Variants in SLC29A3 observed in about 807,000 individuals in gnomAD.
SLC29A3 encodes solute carrier family 29 member 3.
In SLC29A3, 18 loss-of-function variants were observed where a neutral mutation model predicts 25.4. The observed-to-expected ratio is 0.71, with a 90% confidence interval of 0.49 to 1.05. The LOEUF is 1.05. Ranked by LOEUF, SLC29A3 falls within the 50% of genes least tolerant of loss-of-function variation. SLC29A3 has a pLI of 0.00. For synonymous variants in SLC29A3, 258 were observed against 267.1 expected (o/e 0.97, Z 0.33); for missense variants, 586 against 609.0 (o/e 0.96, Z 0.40).
In SLC29A3 at chr10:71,363,352, G is replaced by A. The variant is rs147202397; in HGVS notation, c.*744G>A. ...CTGTTTACAACATGTCAAAGCCATT[G>A]GTTCAAGGGCGTAATAAATACTTGC... On this transcript the variant is annotated 3_prime_UTR_variant, in exon 6 of 6. Transcript: ENST00000373189. The A allele has an allele frequency of 7.0e-5, 32 of 454,128 alleles. No homozygotes were observed. In the East Asian group the frequency reaches 1.7e-3, roughly 25 times the overall value. 28.1% of individuals were successfully genotyped at this position (454,128 alleles called of 1,614,324 possible). A position where few individuals can be genotyped will look rare whatever the true frequency, so the allele number is the denominator to read the frequency against.
At chr10:71,325,875 A>C (rs1180142705) in intron 2 of SLC29A3, among the ~76,000 whole-genome samples, 1 of 150,996 alleles carries the variant, frequency 6.6e-6, no homozygotes, top group Non-Finnish European at 1.5e-5. Context: ...TGGCTGTGTG[A>C]ACTCTCCATG....
chr10:71,355,614 T>C (rs1846883161), intron 4 of SLC29A3, among the ~76,000 whole-genome samples: 1 of 152,148 alleles, frequency 6.6e-6, no homozygotes, highest in African/African-American at 2.4e-5. Context: ...GGACCCTATG[T>C]GAGGACAGTC....
chr10:71,319,895 G>T (rs1412458761), intron 1 of SLC29A3, among the ~76,000 whole-genome samples: 1 of 152,234 alleles, frequency 6.6e-6, no homozygotes, highest in Non-Finnish European at 1.5e-5. Flanking sequence ...CTCCTTGTGT[G>T]GGGCTGTCTG....
intron 3 of SLC29A3, among the ~76,000 whole-genome samples, chr10:71,368,547 A>C (rs1847187186): frequency 6.6e-6 from 1 of 152,208 alleles, no homozygotes; most frequent in African/African-American, 2.4e-5. Context: ...ACCTGGGGGC[A>C]GGACACACTG....
At chr10:71,361,668 C>T (rs970714057) in intron 5 of SLC29A3, among the ~76,000 whole-genome samples, 7 of 152,212 alleles carry the variant, frequency 4.6e-5, no homozygotes, top group Admixed American at 2.6e-4. Flanking sequence ...AACAGGTGAG[C>T]CAGGACAGGG....
Position 71,362,800 on chromosome 10 carries a change from A to G in SLC29A3, c.*192A>G, listed in dbSNP as rs1221147972. 5 of 735,758 alleles carry G rather than the reference A, an allele frequency of 6.8e-6. No homozygotes were observed. Among genetic ancestry groups the G allele is most frequent in the Admixed American group, 2.0e-5 (1 of 50,030 alleles). 45.6% of individuals were successfully genotyped at this position (735,758 alleles called of 1,614,324 possible). ...CCATTCCGTGCAAGGCAGATATTCC[A>G]GTCATATTAACAGAACACTCCTGAG... On this transcript the variant is annotated 3_prime_UTR_variant, in exon 6 of 6. Coordinates refer to ENST00000373189, the MANE Select transcript of SLC29A3 (RefSeq NM_018344.6).
chr10:71,341,946 G>A, intron 2 of SLC29A3, among the ~76,000 whole-genome samples: 1 of 152,190 alleles, frequency 6.6e-6, no homozygotes, highest in Non-Finnish European at 1.5e-5. Flanking sequence ...TGCCAGGTAG[G>A]GTTCCCCAAC....
chr10:71,378,378 C>T (rs1180839204), intron 4 of SLC29A3, among the ~76,000 whole-genome samples: 1 of 152,200 alleles, frequency 6.6e-6, no homozygotes, highest in African/African-American at 2.4e-5. Flanking sequence ...ACCCTAGCAA[C>T]AGGCTTAATA....
intron 2 of SLC29A3, among the ~76,000 whole-genome samples, chr10:71,332,154 T>C (rs1416921089): frequency 1.4e-4 from 11 of 77,120 alleles, no homozygotes; most frequent in African/African-American, 4.0e-4. Flanking sequence ...TTTTTTTTCT[T>C]TTTTTTTTTT....
chr10:71,333,673 A>G (rs1047199234), intron 2 of SLC29A3, among the ~76,000 whole-genome samples: 2 of 152,264 alleles, frequency 1.3e-5, no homozygotes, highest in African/African-American at 4.8e-5. Context: ...CTGCCCGGTC[A>G]GGCAAGAGTA....
chr10:71,360,799 A>G (rs1246064034), intron 5 of SLC29A3, among the ~76,000 whole-genome samples: 4 of 152,254 alleles, frequency 2.6e-5, no homozygotes, highest in African/African-American at 9.6e-5. Context: ...GTCCATCAGT[A>G]GAGGAGCAGT....
chr10:71,341,516 T>A (rs1190309053), intron 2 of SLC29A3, among the ~76,000 whole-genome samples: 2 of 152,154 alleles, frequency 1.3e-5, no homozygotes. Flanking sequence ...AGGAACATGA[T>A]CAACTGTCCT....
At chr10:71,360,134 CTTTTTTTTTTTTTT>C (rs10532475) in intron 5 of SLC29A3, among the ~76,000 whole-genome samples, 1 of 71,456 alleles carries the variant, frequency 1.4e-5, no homozygotes, top group Non-Finnish European at 2.5e-5. Context: ...TCTTCTTCTT[CTTTTTTTTTTTTTT>C]TTTTTTTTTT....
chr10:71,359,967 G>A (rs1022471992), intron 5 of SLC29A3, among the ~76,000 whole-genome samples: 5 of 152,190 alleles, frequency 3.3e-5, no homozygotes, highest in African/African-American at 9.7e-5. Context: ...TCAGAGTGCA[G>A]AAGTTGGAAA....
At chr10:71,355,995 T>A in intron 4 of SLC29A3, 86 bp from the exon 5 acceptor site, 1 of 1,519,196 alleles carries the variant, frequency 6.6e-7, no homozygotes, top group Non-Finnish European at 9.1e-7. Flanking sequence ...TTTATTTTGG[T>A]TTGTGAAACC....
chr10:71,349,786 ACT>A (rs1264341695), intron 3 of SLC29A3, among the ~76,000 whole-genome samples: 1 of 151,694 alleles, frequency 6.6e-6, no homozygotes, highest in African/African-American at 2.4e-5. Flanking sequence ...AACATGCCTC[ACT>A]CTCTCTCCCA....
chr10:71,365,392 G>C (rs1847162168), downstream of SLC29A3: 2 of 152,242 alleles, frequency 1.3e-5, no homozygotes, highest in South Asian at 4.1e-4. Flanking sequence ...TGTTGTAGGG[G>C]AATGGGCTTT....
At chr10:71,337,157 C>G (rs1846274380) in intron 2 of SLC29A3, among the ~76,000 whole-genome samples, 1 of 152,220 alleles carries the variant, frequency 6.6e-6, no homozygotes, top group African/African-American at 2.4e-5. Flanking sequence ...CCCCCCTTCC[C>G]TGCCCAGCCA....
chr10:71,376,900 C>T (rs1452056475), intron 4 of SLC29A3, among the ~76,000 whole-genome samples: 2 of 152,126 alleles, frequency 1.3e-5, no homozygotes, highest in South Asian at 2.1e-4. Flanking sequence ...CTCAGCCTCC[C>T]GAGTAGCTGG....
Sources: gnomAD v4.1 joint callset for allele counts (sites outside exome capture counted in the v4.1 genomes callset) on GRCh38, gnomAD v4.1.1 for gene constraint, MANE v1.5 for transcripts, NCBI Gene and HGNC (gene_info 2026-07-23, HGNC 2026-07-21) for gene names.